Variants in DPP10 observed in about 807,000 individuals in gnomAD.
The protein encoded by DPP10 is inactive dipeptidyl peptidase 10.
DPP10 carries 33 observed loss-of-function variants against 120.9 expected under a neutral mutation model. That is an observed-to-expected ratio of 0.27 (90% confidence interval 0.21 to 0.37). The LOEUF (loss-of-function observed/expected upper bound fraction) is 0.37. Ranked by LOEUF, DPP10 falls within the 10% of genes least tolerant of loss-of-function variation. DPP10 has a pLI of 1.00. For synonymous variants in DPP10, 337 were observed against 326.1 expected (o/e 1.03, Z -0.36); for missense variants, 816 against 942.8 (o/e 0.87, Z 1.76).
chr2:114,655,642 C>T (rs1696913458), intron 1 of DPP10, among the ~76,000 whole-genome samples: 1 of 152,086 alleles, frequency 6.6e-6, no homozygotes. Flanking sequence ...ATTTTATTCT[C>T]AAATGTAACT....
At chr2:115,595,731 C>T (rs2082947984) in intron 5 of DPP10, among the ~76,000 whole-genome samples, 1 of 151,874 alleles carries the variant, frequency 6.6e-6, no homozygotes. Flanking sequence ...TCCTTTCCTC[C>T]CCAATTTTCT....
chr2:115,403,102 A>G (rs2068227393), intron 3 of DPP10, among the ~76,000 whole-genome samples: 1 of 151,530 alleles, frequency 6.6e-6, no homozygotes, highest in Non-Finnish European at 1.5e-5. Context: ...GGATGCAAAG[A>G]TGGTTCAAAA....
At chr2:114,561,967 A>C (rs1179242479) in intron 1 of DPP10, among the ~76,000 whole-genome samples, 1 of 152,256 alleles carries the variant, frequency 6.6e-6, no homozygotes, top group Non-Finnish European at 1.5e-5. Context: ...CATTTAATTT[A>C]GCAGTTAAAT....
intron 1 of DPP10, among the ~76,000 whole-genome samples, chr2:115,098,161 A>G (rs1211733271): frequency 6.6e-6 from 1 of 152,060 alleles, no homozygotes; most frequent in Admixed American, 6.6e-5. Flanking sequence ...TGGTTGTCTT[A>G]CCTCTCCTTG....
rs944930647 is a variant in DPP10 at position 115,777,974 on chromosome 2, C to T, written c.1361+140C>T. On this transcript the variant is annotated intron_variant, in intron 15 of 25. Coordinates refer to ENST00000410059, the MANE Select transcript of DPP10 (RefSeq NM_020868.6). ...CCAACTTTGCTGACAAAGCTTCACA[C>T]TCTTGCACCAGTCTCTCCCTTGACA... is the stretch of plus-strand genomic sequence containing the variant. 5 of 716,718 alleles carry T rather than the reference C, an allele frequency of 7.0e-6. No individual in the cohort carries two copies. In the African/African-American group the frequency reaches 7.1e-5, roughly 10 times the overall value. The allele number at this position is 716,718 out of a possible 1,614,324, so 44.4% of individuals were successfully genotyped here. A position where few individuals can be genotyped will look rare whatever the true frequency, so the allele number is the denominator to read the frequency against.
At chr2:115,377,294 G>A (rs1243948687) in intron 3 of DPP10, among the ~76,000 whole-genome samples, 2 of 151,892 alleles carry the variant, frequency 1.3e-5, no homozygotes, top group East Asian at 1.9e-4. Context: ...GCATTTCTCT[G>A]ATGGCCAGTG....
intron 1 of DPP10, among the ~76,000 whole-genome samples, chr2:114,632,955 T>C (rs551811836): frequency 9.3e-4 from 141 of 152,242 alleles, no homozygotes; most frequent in Non-Finnish European, 1.7e-3. Context: ...AAATACTTGC[T>C]CTCTCACTTA....
At chr2:114,860,456 C>A (rs180921478) in intron 1 of DPP10, among the ~76,000 whole-genome samples, 190 of 152,118 alleles carry the variant, frequency 1.2e-3, no homozygotes, top group African/African-American at 4.3e-3. Context: ...GTGCTAGAGC[C>A]AAAATTTTAC....
chr2:114,504,542 C>T (rs1270298713), intron 1 of DPP10, among the ~76,000 whole-genome samples: 3 of 152,126 alleles, frequency 2.0e-5, no homozygotes, highest in African/African-American at 7.2e-5. Flanking sequence ...CCACCCCACC[C>T]TCTTCTTCCT....
chr2:115,343,340 ACT>A (rs1421024183), intron 2 of DPP10, among the ~76,000 whole-genome samples: 1 of 152,114 alleles, frequency 6.6e-6, no homozygotes, highest in African/African-American at 2.4e-5. Context: ...GTAGGTAATT[ACT>A]CTATTTCCTT....
intron 1 of DPP10, among the ~76,000 whole-genome samples, chr2:114,931,276 A>G (rs906394983): frequency 6.6e-6 from 1 of 152,186 alleles, no homozygotes; most frequent in Non-Finnish European, 1.5e-5. Context: ...TGTATGGTAC[A>G]TTGTTCCACT....
intron 1 of DPP10, among the ~76,000 whole-genome samples, chr2:114,549,852 C>T (rs1299589915): frequency 6.6e-6 from 1 of 151,936 alleles, no homozygotes; most frequent in African/African-American, 2.4e-5. Flanking sequence ...TGTAAGAGAT[C>T]CTATCCTGGA....
At chr2:114,812,769 A>G (rs931468930) in intron 1 of DPP10, among the ~76,000 whole-genome samples, 1 of 152,016 alleles carries the variant, frequency 6.6e-6, no homozygotes, top group Admixed American at 6.6e-5. Flanking sequence ...TTTGTCTGTC[A>G]TAAGCATTCC....
intron 1 of DPP10, among the ~76,000 whole-genome samples, chr2:114,844,893 C>A (rs985461627): frequency 6.6e-6 from 1 of 152,036 alleles, no homozygotes; most frequent in Non-Finnish European, 1.5e-5. Flanking sequence ...AAGTTACTGA[C>A]CAAAGTCTGT....
intron 2 of DPP10, among the ~76,000 whole-genome samples, chr2:115,333,874 A>T (rs971094124): frequency 5.3e-5 from 8 of 151,814 alleles, no homozygotes; most frequent in African/African-American, 1.9e-4. Flanking sequence ...CTTCACTTCA[A>T]CTTTGGTGTA....
intron 1 of DPP10, among the ~76,000 whole-genome samples, chr2:115,240,715 T>C (rs895832874): frequency 2.0e-5 from 3 of 152,232 alleles, no homozygotes; most frequent in Non-Finnish European, 2.9e-5. Flanking sequence ...TGGGGTGATA[T>C]GGAGTCGAAC....
At chr2:115,816,322 G>A (rs959550997) in intron 21 of DPP10, among the ~76,000 whole-genome samples, 4 of 152,174 alleles carry the variant, frequency 2.6e-5, no homozygotes, top group African/African-American at 9.7e-5. Context: ...AGGACTCTCT[G>A]ATGAGGTTAT....
chr2:115,367,053 G>T lies in DPP10; in HGVS notation c.271+23141G>T, dbSNP rs555135476. On this transcript the variant is annotated intron_variant, in intron 3 of 25. Coordinates refer to ENST00000410059, the MANE Select transcript of DPP10 (RefSeq NM_020868.6). Reference sequence around the variant, plus strand: ...CAATTTGACGTCCCTAATAGATATTGTAAGAGAGACACTATAGGGAGGAGA... The same window carrying T: ...CAATTTGACGTCCCTAATAGATATTTTAAGAGAGACACTATAGGGAGGAGA... Among the ~76,000 whole-genome samples the T allele has an allele frequency of 2.0e-5, 3 of 152,124 alleles. No individual in the cohort carries two copies. The East Asian group carries it at 5.8e-4, about 29-fold the overall frequency.
chr2:114,692,901 C>T (rs1222362915), intron 1 of DPP10, among the ~76,000 whole-genome samples: 2 of 151,892 alleles, frequency 1.3e-5, no homozygotes, highest in African/African-American at 4.8e-5. Context: ...AGGATTGCAA[C>T]CCCTTCTTCT....
Sources: allele counts gnomAD v4.1 joint callset (sites outside exome capture counted in the v4.1 genomes callset), GRCh38; gene constraint gnomAD v4.1.1; transcripts MANE v1.5; gene names NCBI Gene and HGNC (gene_info 2026-07-23, HGNC 2026-07-21).